GAS2L1: variants seen among roughly 807,000 people sequenced by gnomAD.
GAS2L1 encodes growth arrest specific 2 like 1.
A neutral mutation model predicts 44.0 loss-of-function variants in GAS2L1; 26 were observed. The observed-to-expected ratio is 0.59, with a 90% CI of 0.43 to 0.82. The LOEUF (loss-of-function observed/expected upper bound fraction) is 0.82. Among genes scored for constraint, GAS2L1 ranks in the 40% least tolerant of loss-of-function variants. The pLI, the probability that GAS2L1 is intolerant of heterozygous loss-of-function variation, is 0.00. For synonymous variants in GAS2L1, 426 were observed against 415.9 expected, an observed-to-expected ratio of 1.02 and a Z score of -0.30; for missense variants, 1,006 against 983.0, an observed-to-expected ratio of 1.02 and a Z score of -0.31.
Position 29,311,012 on chromosome 22 carries a change from G to A in GAS2L1, c.1010+14G>A. The A allele has an allele frequency of 6.2e-7, 1 of 1,607,382 alleles. No individual in the cohort carries two copies. The highest frequency in any genetic ancestry group is 8.5e-7 in the Non-Finnish European group (1 of 1,177,434). On this transcript the variant is annotated intron_variant, in intron 4 of 4. Transcript: ENST00000618518. Reference sequence around the variant, plus strand: ...GACCCCACCCAGGTGAGATGCAGGAGGACGAGGAGTGAGGGGTCCAGAGGG... The same window carrying A: ...GACCCCACCCAGGTGAGATGCAGGAAGACGAGGAGTGAGGGGTCCAGAGGG...
At chr22:29,308,399 G>A in exon 1 of GAS2L1, 1 of 1,608,864 alleles carries the variant, frequency 6.2e-7, no homozygotes, top group Non-Finnish European at 8.5e-7. Context: ...GCTCCTTCAT[G>A]GCGCGCGACA....
chr22:29,309,150 G>A (rs750599503), intron 1 of GAS2L1, among the ~76,000 whole-genome samples: 1 of 152,222 alleles, frequency 6.6e-6, no homozygotes, highest in Non-Finnish European at 1.5e-5. Context: ...AGCGGGTGCT[G>A]TGATGCTCGG....
chr22:29,307,418 C>CG (rs2061360530), exon 1 of GAS2L1: 1 of 152,378 alleles, frequency 6.6e-6, no homozygotes, highest in Non-Finnish European at 1.5e-5. Flanking sequence ...TCGCCGAGAC[C>CG]GGCCACGCTG....
At chr22:29,311,951 C>T in exon 5 of GAS2L1, 1 of 1,607,174 alleles carries the variant, frequency 6.2e-7, no homozygotes, top group Non-Finnish European at 8.5e-7. Context: ...CCACACCGGC[C>T]AGCATCTTCC....
chr22:29,312,530 C>T (rs1311323939), exon 5 of GAS2L1: 10 of 1,443,318 alleles, frequency 6.9e-6, no homozygotes, highest in African/African-American at 1.4e-5. Flanking sequence ...GACCCCATCC[C>T]TTCTCCTTTT....
exon 5 of GAS2L1, chr22:29,312,422 C>A: frequency 6.4e-7 from 1 of 1,552,012 alleles, no homozygotes. Context: ...GCCGCCCCTC[C>A]GGACCCGCAG....
exon 4 of GAS2L1, chr22:29,310,991 C>G (rs2147901859): frequency 6.2e-7 from 1 of 1,611,898 alleles, no homozygotes; most frequent in East Asian, 2.2e-5. Context: ...GCCCGAGACC[C>G]CACCCAGGTG....
rs991848193 is a variant in GAS2L1, at chr22:29,311,005, T to G, written c.1010+7T>G. The G allele has an allele frequency of 3.1e-6, 5 of 1,609,560 alleles. No homozygotes were observed. Among genetic ancestry groups the G allele is most frequent in the African/African-American group, 1.3e-5 (1 of 74,900 alleles). On this transcript the variant is annotated splice_region_variant and intron_variant, in intron 4 of 4. Transcript: ENST00000618518. ...GGCCCGAGACCCCACCCAGGTGAGATGCAGGAGGACGAGGAGTGAGGGGTC... is the reference window on the plus strand; with the variant it reads ...GGCCCGAGACCCCACCCAGGTGAGAGGCAGGAGGACGAGGAGTGAGGGGTC...
chr22:29,312,104 C>T (rs1260521240), exon 5 of GAS2L1: 1 of 1,612,912 alleles, frequency 6.2e-7, no homozygotes, highest in Non-Finnish European at 8.5e-7. Context: ...CTCGGGCCCC[C>T]GACCCTCCAG....
chr22:29,310,632 C>A lies in GAS2L1; in HGVS notation c.742-6C>A, dbSNP rs745422445. On this transcript the variant is annotated splice_region_variant and splice_polypyrimidine_tract_variant and intron_variant, in intron 2 of 4. Transcript: ENST00000618518. ...GGGCACAGCCGTGACCTGCCCACAC[C>A]TGCAGGTGCTGAGGAGCCACGTGAT... is the stretch of plus-strand genomic sequence containing the variant. 9 of 1,604,010 alleles carry A rather than the reference C, an allele frequency of 5.6e-6. No homozygotes were observed. Among genetic ancestry groups the A allele is most frequent in the Non-Finnish European group, 6.8e-6 (8 of 1,173,070 alleles).
chr22:29,310,608 G>T, intron 2 of GAS2L1, 30 bp from the exon 4 acceptor site: 1 of 1,594,580 alleles, frequency 6.3e-7, no homozygotes, highest in South Asian at 1.1e-5. Context: ...GGGCGCCCGG[G>T]GCACAGCCGT....
chr22:29,311,532 T>A, exon 5 of GAS2L1: 1 of 1,541,998 alleles, frequency 6.5e-7, no homozygotes, highest in Non-Finnish European at 8.7e-7. Flanking sequence ...CTCAGCCTCC[T>A]CCGCCCAGAG....
exon 5 of GAS2L1, chr22:29,311,646 C>G: frequency 3.3e-6 from 5 of 1,534,318 alleles, no homozygotes; most frequent in Non-Finnish European, 3.5e-6. Context: ...GAGACGGCCT[C>G]CTGCCCTGCG....
At chr22:29,307,061 G>C (rs1225017744) in exon 1 of GAS2L1, 1 of 151,914 alleles carries the variant, frequency 6.6e-6, no homozygotes, top group Non-Finnish European at 1.5e-5. Context: ...GGGACGCATA[G>C]AGCTGCGGCT....
At chr22:29,307,468 G>A (rs1427381880) in exon 1 of GAS2L1, 2 of 152,352 alleles carry the variant, frequency 1.3e-5, no homozygotes, top group Non-Finnish European at 2.9e-5. Flanking sequence ...ACAGCTCTGC[G>A]ACCTTCACGA....
intron 1 of GAS2L1, among the ~76,000 whole-genome samples, chr22:29,309,932 C>G (rs1479237649): frequency 6.6e-6 from 1 of 152,124 alleles, no homozygotes; most frequent in Non-Finnish European, 1.5e-5. Context: ...TGGGCAGCTC[C>G]CTGGACCCAG....
chr22:29,311,459 CA>C lies in GAS2L1; in HGVS notation c.1011-2del. 1 of 1,244,606 alleles carries C rather than the reference CA, an allele frequency of 8.0e-7. No individual in the cohort carries two copies. Among genetic ancestry groups the C allele is most frequent in the Non-Finnish European group, 1.1e-6 (1 of 895,446 alleles). The allele number at this position is 1,244,606 out of a possible 1,614,324, so 77.1% of individuals were successfully genotyped here. A position where few individuals can be genotyped will look rare whatever the true frequency, so the allele number is the denominator to read the frequency against. ...ATCTGTCTCTATTGTCCCCCTGCCC[CA>C]GGCCCCGGGATCAGCTGCCCCCCCA... On this transcript the variant is annotated splice_acceptor_variant, in intron 4 of 4. Coordinates refer to ENST00000618518, the Ensembl canonical transcript of GAS2L1. LOFTEE classifies it high-confidence loss of function.
chr22:29,310,033 G>A (rs1453866635), intron 1 of GAS2L1, among the ~76,000 whole-genome samples: 4 of 152,010 alleles, frequency 2.6e-5, no homozygotes, highest in South Asian at 2.1e-4. Context: ...AGGCCGAGGC[G>A]GGTGGAACTC....
upstream of GAS2L1, chr22:29,306,956 C>CT (rs2061354804): frequency 6.6e-6 from 1 of 152,214 alleles, no homozygotes; most frequent in Admixed American, 6.5e-5. Context: ...GGGGCGGCCC[C>CT]TTTAAGAGCG....
Sources: allele counts gnomAD v4.1 joint callset (sites outside exome capture counted in the v4.1 genomes callset), GRCh38; gene constraint gnomAD v4.1.1; transcripts MANE v1.5; gene names NCBI Gene and HGNC (gene_info 2026-07-23, HGNC 2026-07-21).